The following KDM7A variants were observed in gnomAD, a reference collection of about 807,000 sequenced individuals.
KDM7A encodes the protein lysine-specific demethylase 7A.
In KDM7A, 28 loss-of-function variants were observed where a neutral mutation model predicts 114.8. The ratio of observed to expected loss-of-function variants is 0.24; its 90% confidence interval spans 0.18 to 0.33. The LOEUF is 0.33. Ranked by LOEUF, KDM7A falls within the 10% of genes least tolerant of loss-of-function variation. KDM7A has a pLI of 1.00. For synonymous variants in KDM7A, 423 were observed against 397.8 expected, an observed-to-expected ratio of 1.06 and a Z score of -0.75; for missense variants, 942 against 1,142.5, an observed-to-expected ratio of 0.82 and a Z score of 2.53.
At chr7:140,142,053 T>TATATATATAAAAGATATTTATATATC (rs1794288851) in intron 1 of KDM7A, among the ~76,000 whole-genome samples, 1 of 146,658 alleles carries the variant, frequency 6.8e-6, no homozygotes, top group Non-Finnish European at 1.5e-5. Context: ...TTATATATCA[T>TATATATATAAAAGATATTTATATATC]ATATATATAA....
intron 1 of KDM7A, among the ~76,000 whole-genome samples, chr7:140,167,120 TAAAA>T (rs1470708551): frequency 1.3e-5 from 2 of 151,866 alleles, no homozygotes; most frequent in Non-Finnish European, 2.9e-5. Flanking sequence ...ATAAAATAAA[TAAAA>T]GAGGTAATAC....
intron 3 of KDM7A, among the ~76,000 whole-genome samples, chr7:140,131,020 A>T (rs1818776876): frequency 7.6e-6 from 1 of 131,442 alleles, no homozygotes; most frequent in East Asian, 2.1e-4. Flanking sequence ...CGCCTGGCTA[A>T]TTTTTTTGTT....
chr7:140,140,702 C>T (rs1022523575), intron 1 of KDM7A, among the ~76,000 whole-genome samples: 2 of 145,488 alleles, frequency 1.4e-5, no homozygotes, highest in African/African-American at 2.6e-5. Flanking sequence ...TGAACCCAGG[C>T]GGCAGAGGTT....
rs940892052 is a variant in KDM7A at position 140,115,421 on chromosome 7, A to G, written c.1247-1839T>C. ...TGTGTCTGTGTAGAAAGAAGTAGAC[A>G]TGGGAGACTCCATTTTGTTCTGTAC... On this transcript the variant is annotated intron_variant, in intron 9 of 19. Coordinates refer to ENST00000397560, the MANE Select transcript of KDM7A (RefSeq NM_030647.2). Among the ~76,000 whole-genome samples, 52 of 152,298 alleles carry G rather than the reference A, an allele frequency of 3.4e-4. 1 individual carries two copies. The highest frequency in any genetic ancestry group is 3.2e-3 in the Admixed American group (49 of 15,302).
At chr7:140,148,301 G>A (rs1032438807) in intron 1 of KDM7A, among the ~76,000 whole-genome samples, 3 of 151,638 alleles carry the variant, frequency 2.0e-5, no homozygotes, top group East Asian at 1.9e-4. Flanking sequence ...TCTCTCTCTC[G>A]AGTCAGTCTG....
At chr7:140,146,132 C>A (rs189524340) in intron 1 of KDM7A, among the ~76,000 whole-genome samples, 41 of 152,114 alleles carry the variant, frequency 2.7e-4, no homozygotes, top group African/African-American at 8.4e-4. Flanking sequence ...AAATTCAACA[C>A]AACACAACAG....
intron 1 of KDM7A, among the ~76,000 whole-genome samples, chr7:140,162,018 C>T (rs1213301487): frequency 2.0e-5 from 3 of 152,074 alleles, no homozygotes; most frequent in Admixed American, 6.6e-5. Context: ...CATGATTTTA[C>T]TGCACACATC....
In KDM7A at chr7:140,127,550, G is replaced by A. The variant is rs1818726722; in HGVS notation, c.593C>T (p.Ala198Val). 3 of 1,613,580 alleles carry A rather than the reference G, an allele frequency of 1.9e-6. No individual in the cohort carries two copies. The highest frequency in any genetic ancestry group is 2.5e-6 in the Non-Finnish European group (3 of 1,179,684). Residue 198 changes from alanine to valine, a missense_variant, in exon 5 of 20, where the codon GCG (alanine) becomes GTG (valine). Ala to Val is a moderately conservative substitution (Grantham distance 64). Transcript: ENST00000397560. ...GDKVIDVIDV[A>V]RQADSKMTLH... The stretch of plus-strand genomic sequence containing the variant: ...TGTCATTTTGCTGTCTGCCTGCCTC[G>A]CCACATCAATGACATCTATCACTTT...
At chr7:140,118,458 A>G (rs1009579941) in intron 9 of KDM7A, among the ~76,000 whole-genome samples, 2 of 151,660 alleles carry the variant, frequency 1.3e-5, no homozygotes, top group South Asian at 2.1e-4. Flanking sequence ...CTCTGTCGCC[A>G]TTGCATGATC....
Position 140,098,985 on chromosome 7 carries a change from A to C in KDM7A, c.1812T>G (p.Ser604Arg). Residue 604 changes from serine (S) to arginine (R), a missense_variant, in exon 14 of 20, where the codon AGT becomes AGG. This residue lies in a region of KDM7A where 512 missense variants were observed against 576.6 expected (regional missense o/e 0.89). Coordinates refer to ENST00000397560, the MANE Select transcript of KDM7A (RefSeq NM_030647.2). The part of the protein sequence containing the change: ...FADQSLYTAD[S>R]ENEEDKRRTK... ...TCCTTCTTTTATCCTCTTCATTTTCACTATCTGCTGTATAAAGACTTTGAT... is the reference window on the plus strand; with the variant it reads ...TCCTTCTTTTATCCTCTTCATTTTCCCTATCTGCTGTATAAAGACTTTGAT... 1 of 1,612,904 alleles carries C rather than the reference A, an allele frequency of 6.2e-7. No homozygotes were observed. The highest frequency in any genetic ancestry group is 8.5e-7 in the Non-Finnish European group (1 of 1,179,420).
At chr7:140,127,364 T>C in intron 5 of KDM7A, 78 bp downstream of exon 5, 4 of 1,280,004 alleles carry the variant, frequency 3.1e-6, no homozygotes, top group East Asian at 2.4e-5. Flanking sequence ...ACTATGTTTC[T>C]TCCTAAAATA....
intron 17 of KDM7A, 117 bp downstream of exon 17, chr7:140,096,438 A>C: frequency 1.2e-6 from 1 of 804,694 alleles, no homozygotes. Context: ...CAACCTTCTT[A>C]ACACATTTCC....
chr7:140,106,632 T>C (rs1818341284), intron 11 of KDM7A, among the ~76,000 whole-genome samples: 1 of 152,240 alleles, frequency 6.6e-6, no homozygotes, highest in African/African-American at 2.4e-5. Context: ...TCTAGTTTGA[T>C]TGCACTGTGG....
chr7:140,102,695 A>G (rs972079070), intron 11 of KDM7A, among the ~76,000 whole-genome samples: 10 of 152,286 alleles, frequency 6.6e-5, no homozygotes, highest in Admixed American at 5.2e-4. Context: ...TCAATATCTT[A>G]TTAAAGGCTG....
intron 1 of KDM7A, among the ~76,000 whole-genome samples, chr7:140,171,623 T>C (rs1794642992): frequency 6.9e-6 from 1 of 145,268 alleles, no homozygotes. Context: ...TTTTACATAT[T>C]TATAAATATA....
In KDM7A at chr7:140,176,746, G is replaced by T; in HGVS notation, c.192C>A (p.Gly64=). Residue 64 remains glycine (G), a splice_region_variant and synonymous_variant, in exon 1 of 20, where the codon GGC becomes GGA. Transcript: ENST00000397560. This position sits in a 1 kb window ranked among gnomAD's most constrained non-coding sequence, Gnocchi z 4.4. ...GGGGCTGGAGGGGGTTTATTTACCT[G>T]CCGTGGAACCAGTCCTTGCAGATAT... ...ECDICKDWFH[G]SCVGVEEHHA... 1 of 1,355,786 alleles carries T rather than the reference G, an allele frequency of 7.4e-7. No homozygotes were observed. Among genetic ancestry groups the T allele is most frequent in the Non-Finnish European group, 9.7e-7 (1 of 1,027,248 alleles). 84.0% of individuals were successfully genotyped at this position (1,355,786 alleles called of 1,614,324 possible).
At chr7:140,095,099 C>T (rs958826389) in intron 17 of KDM7A, among the ~76,000 whole-genome samples, 5 of 152,220 alleles carry the variant, frequency 3.3e-5, no homozygotes, top group African/African-American at 7.2e-5. Context: ...CCGCCCACCT[C>T]GGCCTCCCAA....
At position 140,085,392 on chromosome 7, in the gene KDM7A, C is replaced by G. The variant is rs1817909938; in HGVS notation, c.*5702G>C. ...TAAAACCAATACTACCCCTCCCCAT[C>G]ACCCCCCAAAAAAACTTGCTGAAGC... On this transcript the variant is annotated 3_prime_UTR_variant, in exon 20 of 20. Coordinates refer to ENST00000397560, the MANE Select transcript of KDM7A (RefSeq NM_030647.2). 1 of 152,274 alleles carries G rather than the reference C, an allele frequency of 6.6e-6. No individual in the cohort carries two copies. The highest frequency in any genetic ancestry group is 2.1e-4 in the South Asian group (1 of 4,822). The allele number at this position is 152,274 out of a possible 1,614,324, so 9.4% of individuals were successfully genotyped here.
At chr7:140,171,670 A>C (rs1794644010) in intron 1 of KDM7A, among the ~76,000 whole-genome samples, 1 of 149,124 alleles carries the variant, frequency 6.7e-6, no homozygotes, top group Admixed American at 6.8e-5. Flanking sequence ...ATATGTCCTG[A>C]ATCTCAGAAA....
Sources: allele counts gnomAD v4.1 joint callset (sites outside exome capture counted in the v4.1 genomes callset), GRCh38; gene constraint gnomAD v4.1.1; regional missense constraint gnomAD v4.1.1; non-coding constraint Gnocchi (gnomAD v3.1); transcripts MANE v1.5; gene names NCBI Gene and HGNC (gene_info 2026-07-23, HGNC 2026-07-21).